Variants in KDM4C observed in about 807,000 individuals in gnomAD.
KDM4C encodes lysine demethylase 4C.
In KDM4C, 81 loss-of-function variants were observed where a neutral mutation model predicts 129.3. The ratio of observed to expected loss-of-function variants is 0.63; its 90% CI spans 0.52 to 0.75. The LOEUF is 0.75. Ranked by LOEUF, KDM4C falls within the 30% of genes least tolerant of loss-of-function variation. KDM4C has a pLI of 0.00. For missense variants in KDM4C, 1,457 were observed against 1,304.0 expected (o/e 1.12, Z -1.81); for synonymous variants, 573 against 456.1 (o/e 1.26, Z -3.26).
intron 5 of KDM4C, among the ~76,000 whole-genome samples, chr9:6,855,950 A>G (rs1351083403): frequency 6.6e-6 from 1 of 152,170 alleles, no homozygotes; most frequent in African/African-American, 2.4e-5. Context: ...TGGGTTGCCC[A>G]GGCTGGCCAT....
intron 8 of KDM4C, among the ~76,000 whole-genome samples, chr9:6,979,571 A>AC (rs1253991343): frequency 1.3e-5 from 2 of 152,176 alleles, no homozygotes; most frequent in African/African-American, 4.8e-5. Context: ...ATAAATTTAG[A>AC]CCTTATTCTA....
chr9:6,917,231 T>C (rs957889489), intron 8 of KDM4C, among the ~76,000 whole-genome samples: 1 of 152,126 alleles, frequency 6.6e-6, no homozygotes, highest in Non-Finnish European at 1.5e-5. Context: ...GAGCACCATA[T>C]AGGTATCCAT....
intron 8 of KDM4C, among the ~76,000 whole-genome samples, chr9:6,913,347 T>A (rs1308857770): frequency 1.3e-5 from 2 of 152,332 alleles, no homozygotes; most frequent in East Asian, 3.9e-4. Context: ...TCTTGAAGGA[T>A]ATGGTGAAAC....
intron 19 of KDM4C, among the ~76,000 whole-genome samples, chr9:7,130,925 ATT>A (rs111274021): frequency 7.0e-6 from 1 of 142,578 alleles, no homozygotes; most frequent in Admixed American, 7.0e-5. Context: ...TGCCTGGCTA[ATT>A]TTTTTTTTTT....
chr9:7,168,544 G>A lies in KDM4C; in HGVS notation c.2902-1254G>A, dbSNP rs10976085. On this transcript the variant is annotated intron_variant, in intron 20 of 21. Transcript: ENST00000381309. ...TCTTTTAAAATGTTAAAAACAATTG[G>A]TTATGAAATTATTTGCTTCCATTTG... is the stretch of plus-strand genomic sequence containing the variant. Among the ~76,000 whole-genome samples, 2,935 of 152,190 alleles carry A rather than the reference G, an allele frequency of 0.019. 177 individuals carry two copies. In the East Asian group the frequency reaches 0.24, roughly 12 times the overall value.
chr9:6,846,472 GA>G (rs1366018497), intron 4 of KDM4C, among the ~76,000 whole-genome samples: 2 of 152,130 alleles, frequency 1.3e-5, no homozygotes, highest in Non-Finnish European at 2.9e-5. Flanking sequence ...AGCCTTTGTG[GA>G]GCCTGTTTTT....
intron 18 of KDM4C, among the ~76,000 whole-genome samples, chr9:7,118,465 G>C (rs1432296783): frequency 6.6e-6 from 1 of 152,198 alleles, no homozygotes; most frequent in Non-Finnish European, 1.5e-5. Context: ...AAGTTTAGAT[G>C]AGTGGTTCCT....
intron 21 of KDM4C, 25 bp downstream of exon 21, chr9:7,169,915 G>A: frequency 6.2e-7 from 1 of 1,613,474 alleles, no homozygotes; most frequent in Admixed American, 1.7e-5. Flanking sequence ...ATGCCACTTG[G>A]GGACCTGCCA....
In KDM4C at chr9:6,989,339, G is replaced by T. The variant is rs527478227; in HGVS notation, c.1678-1077G>T. Among the ~76,000 whole-genome samples, 12 of 152,200 alleles carry T rather than the reference G, an allele frequency of 7.9e-5. No homozygotes were observed. The South Asian group carries it at 2.3e-3, about 29-fold the overall frequency. ...TTTTCTTTCATAGTCAACTCTTGATGTAAGCTTGCTGGGTTCAAACTCTCT... is the reference window on the plus strand; with the variant it reads ...TTTTCTTTCATAGTCAACTCTTGATTTAAGCTTGCTGGGTTCAAACTCTCT... On this transcript the variant is annotated intron_variant, in intron 11 of 21. Transcript: ENST00000381309.
chr9:6,806,927 C>A (rs1331710076), intron 3 of KDM4C, among the ~76,000 whole-genome samples: 2 of 144,580 alleles, frequency 1.4e-5, no homozygotes, highest in Non-Finnish European at 3.0e-5. Context: ...TCCGTCTCCC[C>A]ACGGTCTCCC....
intron 17 of KDM4C, among the ~76,000 whole-genome samples, chr9:7,074,901 A>G (rs1008316857): frequency 1.3e-5 from 2 of 152,192 alleles, no homozygotes; most frequent in Non-Finnish European, 2.9e-5. Context: ...ATTTGAATAC[A>G]TCATGAATTT....
intron 14 of KDM4C, 72 bp downstream of exon 14, chr9:7,014,073 G>A (rs1274461152): frequency 7.8e-7 from 1 of 1,278,256 alleles, no homozygotes; most frequent in East Asian, 2.3e-5. Context: ...TCACTTTTTT[G>A]GAACCTGTCA....
chr9:6,853,186 A>G (rs909574142), intron 5 of KDM4C, among the ~76,000 whole-genome samples: 19 of 152,108 alleles, frequency 1.2e-4, no homozygotes, highest in South Asian at 6.2e-4. Context: ...GAAACTTTTA[A>G]TAAAAAAGAT....
At chr9:7,151,221 T>C (rs995959404) in intron 19 of KDM4C, among the ~76,000 whole-genome samples, 1 of 152,122 alleles carries the variant, frequency 6.6e-6, no homozygotes. Flanking sequence ...TTTATTTTTG[T>C]GAAAATAACA....
intron 15 of KDM4C, among the ~76,000 whole-genome samples, chr9:7,038,958 C>T (rs1828104807): frequency 6.6e-6 from 1 of 151,716 alleles, no homozygotes; most frequent in African/African-American, 2.4e-5. Context: ...TTCCAGAAAA[C>T]AATTTTTGAT....
In KDM4C at chr9:6,845,939, G is replaced by C. The variant is rs1402770015; in HGVS notation, c.436-3568G>C. 2.0e-5 allele frequency among the ~76,000 whole-genome samples: 3 copies of C among 152,224 alleles called. No homozygotes were observed. The East Asian group carries it at 5.8e-4, about 29-fold the overall frequency. On this transcript the variant is annotated intron_variant, in intron 4 of 21. Coordinates refer to ENST00000381309, the MANE Select transcript of KDM4C (RefSeq NM_015061.6). ...GAATTAAGTTTTAAACAGTTCGGCA[G>C]ATTCTAACTTGTCATTGTGGGGCTT...
At chr9:6,882,980 A>G (rs1221011512) in intron 6 of KDM4C, among the ~76,000 whole-genome samples, 2 of 152,176 alleles carry the variant, frequency 1.3e-5, no homozygotes, top group Admixed American at 6.5e-5. Flanking sequence ...TTGAAATTAT[A>G]TTCAAAGTTG....
At chr9:6,865,643 T>C (rs974574303) in intron 5 of KDM4C, among the ~76,000 whole-genome samples, 1 of 152,208 alleles carries the variant, frequency 6.6e-6, no homozygotes, top group Non-Finnish European at 1.5e-5. Context: ...CTCAGCTCAC[T>C]GTAACCTCCG....
intron 17 of KDM4C, among the ~76,000 whole-genome samples, chr9:7,089,136 A>C (rs1309025522): frequency 6.6e-6 from 1 of 152,214 alleles, no homozygotes; most frequent in Non-Finnish European, 1.5e-5. Flanking sequence ...AAAATTGGAA[A>C]GTGCCATTTT....
Sources: gnomAD v4.1 joint callset for allele counts (sites outside exome capture counted in the v4.1 genomes callset) on GRCh38, gnomAD v4.1.1 for gene constraint, MANE v1.5 for transcripts, NCBI Gene and HGNC (gene_info 2026-07-23, HGNC 2026-07-21) for gene names.